The following NECTIN1 variants were observed in gnomAD, a reference collection of about 807,000 sequenced individuals.
The protein encoded by NECTIN1 is nectin-1.
NECTIN1 carries 23 observed loss-of-function variants against 48.0 expected under a neutral mutation model. That is an observed-to-expected ratio of 0.48 (90% CI 0.34 to 0.68). NECTIN1 has a LOEUF of 0.68. Among genes scored for constraint, NECTIN1 ranks in the 30% least tolerant of loss-of-function variants. The probability of loss-of-function intolerance (pLI) is 0.01; values close to 1 mark genes in which losing one functional copy is unlikely to be tolerated. For missense variants in NECTIN1, 591 were observed against 709.9 expected (o/e 0.83, Z 1.90); for synonymous variants, 270 against 288.9 (o/e 0.93, Z 0.66).
chr11:119,663,967 C>G lies in NECTIN1; in HGVS notation c.*780G>C, dbSNP rs115196807. On this transcript the variant is annotated 3_prime_UTR_variant, in exon 6 of 6. Transcript: ENST00000264025. ...GTGTGTGCATGTGTGTGTGTGTGCA[C>G]GTGTCAGCAGAGGCAGAGAGCAAGT... 3.0e-6 allele frequency: 3 copies of G among 985,960 alleles called. No individual in the cohort carries two copies. The East Asian group carries it at 3.4e-4, about 111-fold the overall frequency. 61.1% of individuals were successfully genotyped at this position (985,960 alleles called of 1,614,324 possible).
chr11:119,708,620 GA>G (rs1489212472), intron 1 of NECTIN1, among the ~76,000 whole-genome samples: 1 of 139,472 alleles, frequency 7.2e-6, no homozygotes, highest in Non-Finnish European at 1.6e-5. Flanking sequence ...CCGGGGGAGG[GA>G]AAATGGGGAG....
chr11:119,695,624 C>T (rs545123161), intron 1 of NECTIN1, among the ~76,000 whole-genome samples: 2 of 151,428 alleles, frequency 1.3e-5, no homozygotes, highest in Non-Finnish European at 3.0e-5. Context: ...CAGGTCACTG[C>T]GATCTTTTAA....
chr11:119,679,420 G>C (rs759907732), intron 1 of NECTIN1, among the ~76,000 whole-genome samples: 8 of 152,174 alleles, frequency 5.3e-5, no homozygotes, highest in East Asian at 1.9e-4. Flanking sequence ...CCATCCCCTG[G>C]GGTGCACTAG....
intron 1 of NECTIN1, among the ~76,000 whole-genome samples, chr11:119,701,993 T>G (rs1865464353): frequency 6.6e-6 from 1 of 152,234 alleles, no homozygotes; most frequent in Non-Finnish European, 1.5e-5. Flanking sequence ...AAGCTGACGT[T>G]GACTCATTCT....
chr11:119,655,231 A>T (rs560521028), intron 5 of NECTIN1, among the ~76,000 whole-genome samples: 134 of 150,668 alleles, frequency 8.9e-4, no homozygotes, highest in African/African-American at 2.6e-3. Context: ...TTTTTTTTTT[A>T]AAAGAGCAAT....
intron 1 of NECTIN1, among the ~76,000 whole-genome samples, chr11:119,712,087 G>A (rs1865658765): frequency 6.6e-6 from 1 of 152,226 alleles, no homozygotes. Context: ...CTGTGTCTTG[G>A]GAAGAAGAGG....
intron 1 of NECTIN1, among the ~76,000 whole-genome samples, chr11:119,722,691 A>C (rs1283647454): frequency 6.6e-6 from 1 of 152,248 alleles, no homozygotes; most frequent in East Asian, 1.9e-4. Flanking sequence ...GAGTGGGGGC[A>C]GGGACTCGCT....
chr11:119,662,782 T>C lies in NECTIN1; in HGVS notation c.*1965A>G, dbSNP rs574604862. ...CCAGCTCCTCCACCTCCCTCTGCCC[T>C]GTGGCTGGAAAGACTCCACAATTTT... On this transcript the variant is annotated 3_prime_UTR_variant, in exon 6 of 6. Transcript: ENST00000264025. The surrounding 1 kb of genome is among the most constrained non-coding windows in gnomAD (Gnocchi z 5.3). 6.1e-6 allele frequency: 6 copies of C among 986,510 alleles called. No individual in the cohort carries two copies. The East Asian group carries it at 5.7e-4, about 93-fold the overall frequency. The allele number at this position is 986,510 out of a possible 1,614,324, so 61.1% of individuals were successfully genotyped here.
At chr11:119,715,148 C>T (rs1331799528) in intron 1 of NECTIN1, among the ~76,000 whole-genome samples, 3 of 152,162 alleles carry the variant, frequency 2.0e-5, no homozygotes, top group Non-Finnish European at 4.4e-5. Flanking sequence ...GGATGACCAA[C>T]AGGCCAGAAT....
intron 4 of NECTIN1, 185 bp downstream of exon 4, chr11:119,676,917 A>G: frequency 1.6e-6 from 1 of 645,040 alleles, no homozygotes; most frequent in South Asian, 1.7e-5. Flanking sequence ...ACTGTCACAC[A>G]TGGACGTAAT....
At chr11:119,644,300 G>C (rs1367828233) in intron 5 of NECTIN1, among the ~76,000 whole-genome samples, 1 of 152,198 alleles carries the variant, frequency 6.6e-6, no homozygotes, top group African/African-American at 2.4e-5. Flanking sequence ...GCTCTTCCAG[G>C]AACAGCTCTA....
intron 1 of NECTIN1, chr11:119,687,379 GC>G (rs768888442): frequency 6.6e-6 from 1 of 152,044 alleles, no homozygotes; most frequent in African/African-American, 2.4e-5. Context: ...CCGGTTCATC[GC>G]CCCTCCCACC....
At chr11:119,696,815 C>T (rs185998065) in intron 1 of NECTIN1, among the ~76,000 whole-genome samples, 5 of 152,302 alleles carry the variant, frequency 3.3e-5, no homozygotes, top group Admixed American at 6.5e-5. Flanking sequence ...GGACTGCAGG[C>T]GGCATAGGGG....
rs1160212805 is a variant in NECTIN1, at chr11:119,683,356, T to G, written c.80-4591A>C. On this transcript the variant is annotated intron_variant, in intron 1 of 5. Transcript: ENST00000264025. The surrounding 1 kb of genome is among the most constrained non-coding windows in gnomAD (Gnocchi z 4.0). ...GAACAGCAGCACCCAGCCCAGTGCT[T>G]TCCCACCCTGCCACAAAAACAGACT... Among the ~76,000 whole-genome samples the G allele has an allele frequency of 6.6e-6, 1 of 152,058 alleles. No homozygotes were observed. Among genetic ancestry groups the G allele is most frequent in the African/African-American group, 2.4e-5 (1 of 41,412 alleles).
downstream of NECTIN1, among the ~76,000 whole-genome samples, chr11:119,660,017 C>CAGCT (rs966349296): frequency 4.6e-5 from 7 of 152,348 alleles, 1 homozygote; most frequent in East Asian, 3.9e-4. Context: ...CAGCTGCCAA[C>CAGCT]AGCTGCTGGC....
rs1274746619 is a variant in NECTIN1 at position 119,725,802 on chromosome 11, G to A, written c.79+2673C>T. On this transcript the variant is annotated intron_variant, in intron 1 of 5. Coordinates refer to ENST00000264025, the MANE Select transcript of NECTIN1 (RefSeq NM_002855.5). Reference sequence around the variant, plus strand: ...TGTGTGTTCTCTTTCCAGACAAAAGGTGTGGGGAAGCCAATTAGGGAGGGT... The same window carrying A: ...TGTGTGTTCTCTTTCCAGACAAAAGATGTGGGGAAGCCAATTAGGGAGGGT... Among the ~76,000 whole-genome samples the A allele has an allele frequency of 2.0e-5, 3 of 152,132 alleles. No homozygotes were observed. In the East Asian group the frequency reaches 5.8e-4, roughly 29 times the overall value.
intron 1 of NECTIN1, among the ~76,000 whole-genome samples, chr11:119,726,275 T>C (rs1034557624): frequency 2.6e-5 from 4 of 152,120 alleles, no homozygotes; most frequent in Non-Finnish European, 5.9e-5. Context: ...GGGTGTGGGC[T>C]TGCAACTTCT....
At position 119,699,179 on chromosome 11, in the gene NECTIN1, C is replaced by T. The variant is rs546066675; in HGVS notation, c.80-20414G>A. Among the ~76,000 whole-genome samples the T allele has an allele frequency of 2.1e-3, 324 of 152,290 alleles. 1 individual carries two copies. Among genetic ancestry groups the T allele is most frequent in the African/African-American group, 7.4e-3 (307 of 41,560 alleles). On this transcript the variant is annotated intron_variant, in intron 1 of 5. Coordinates refer to ENST00000264025, the MANE Select transcript of NECTIN1 (RefSeq NM_002855.5). ...AGTGCCATGTGTCTCTGCCAGCCGG[C>T]CCCCTGGTAGGTACCAGCACAGGCC... is the stretch of plus-strand genomic sequence containing the variant.
intron 1 of NECTIN1, among the ~76,000 whole-genome samples, chr11:119,702,048 C>T (rs1865465161): frequency 6.6e-6 from 1 of 152,222 alleles, no homozygotes; most frequent in South Asian, 2.1e-4. Flanking sequence ...TTAATGAAGT[C>T]CGATGGCAGG....
Sources: allele counts gnomAD v4.1 joint callset (sites outside exome capture counted in the v4.1 genomes callset), GRCh38; gene constraint gnomAD v4.1.1; non-coding constraint Gnocchi (gnomAD v3.1); transcripts MANE v1.5; gene names NCBI Gene and HGNC (gene_info 2026-07-23, HGNC 2026-07-21).